Variants in SPDEF observed in about 807,000 individuals in gnomAD.
SPDEF encodes SAM pointed domain containing ETS transcription factor.
A neutral mutation model predicts 36.0 loss-of-function variants in SPDEF; 12 were observed. That is an observed-to-expected ratio of 0.33 (90% CI 0.21 to 0.54). The LOEUF is 0.54. SPDEF is among the 20% of genes least tolerant of loss of function. The pLI, the probability that SPDEF is intolerant of heterozygous loss-of-function variation, is 0.93. For missense variants in SPDEF, 388 were observed against 456.9 expected (o/e 0.85, Z 1.37); for synonymous variants, 205 against 193.0 (o/e 1.06, Z -0.51).
chr6:34,552,263 G>A lies in SPDEF; in HGVS notation c.-30+3666C>T, dbSNP rs953945616. Among the ~76,000 whole-genome samples the A allele has an allele frequency of 6.6e-6, 1 of 152,168 alleles. No homozygotes were observed. Among genetic ancestry groups the A allele is most frequent in the Non-Finnish European group, 1.5e-5 (1 of 68,034 alleles). On this transcript the variant is annotated intron_variant, in intron 1 of 5. Transcript: ENST00000374037. This position sits in a 1 kb window ranked among gnomAD's most constrained non-coding sequence, Gnocchi z 4.6. ...CTTGCCACAGGACAGGGGTCGTGAG[G>A]TTTCCTGGGTCTCTTGCTCCCCACA...
chr6:34,554,089 AAG>A (rs1476954724), intron 1 of SPDEF, among the ~76,000 whole-genome samples: 3 of 152,154 alleles, frequency 2.0e-5, no homozygotes, highest in African/African-American at 7.2e-5. Flanking sequence ...CAGTGAGGAA[AAG>A]TGACCCGCCC....
At chr6:34,547,111 G>T (rs764298654) in intron 1 of SPDEF, among the ~76,000 whole-genome samples, 19 of 151,796 alleles carry the variant, frequency 1.3e-4, no homozygotes, top group Non-Finnish European at 2.5e-4. Flanking sequence ...CACCCTGGGC[G>T]CCATGCCAGG....
chr6:34,547,518 A>T (rs1356790490), intron 1 of SPDEF, among the ~76,000 whole-genome samples: 2 of 152,072 alleles, frequency 1.3e-5, no homozygotes, highest in Non-Finnish European at 2.9e-5. Context: ...GGTGTGTGCC[A>T]TCATGCCTGG....
rs1767772011 is a variant in SPDEF at position 34,539,531 on chromosome 6, C to G, written c.666G>C (p.Gly222=). ...AAWMKERTSP[G]AIHYCASTSE... ...CTGGCTCACCACAGTAGTGAATCGC[C>G]CCAGGTGAAGTCCGCTCTTTCATCC... The change falls in exon 4 of 6, where the codon GGG becomes GGC. Residue 222 remains glycine (G), a synonymous_variant. Coordinates refer to ENST00000374037, the MANE Select transcript of SPDEF (RefSeq NM_012391.3). The surrounding 1 kb of genome is among the most constrained non-coding windows in gnomAD (Gnocchi z 5.2). The G allele has an allele frequency of 6.3e-7, 1 of 1,575,248 alleles. No individual in the cohort carries two copies. Among genetic ancestry groups the G allele is most frequent in the Non-Finnish European group, 8.6e-7 (1 of 1,161,190 alleles).
chr6:34,543,525 T>A (rs1767873505), intron 2 of SPDEF, among the ~76,000 whole-genome samples: 1 of 152,230 alleles, frequency 6.6e-6, no homozygotes, highest in African/African-American at 2.4e-5. Flanking sequence ...TTGTTTTCTT[T>A]ACCATGTCCT....
chr6:34,540,899 C>T (rs536900485), intron 3 of SPDEF, 85 bp downstream of exon 3: 129 of 1,333,170 alleles, frequency 9.7e-5, no homozygotes, highest in Admixed American at 1.6e-4. Flanking sequence ...GGGCTGCTGC[C>T]CTAGCAGAGG....
intron 1 of SPDEF, among the ~76,000 whole-genome samples, chr6:34,548,189 T>C (rs1035113768): frequency 3.3e-5 from 5 of 152,204 alleles, no homozygotes; most frequent in Non-Finnish European, 7.3e-5. Flanking sequence ...AGCCCTGCTT[T>C]ATAGATGCGG....
rs1767750183 is a variant in SPDEF at position 34,538,838 on chromosome 6, C to T, written c.830-386G>A. Among the ~76,000 whole-genome samples, 1 of 152,190 alleles carries T rather than the reference C, an allele frequency of 6.6e-6. No homozygotes were observed. ...AAGTCCTGTGTGGCTCCCAGCAGTG[C>T]CCACGGCTCACTTGGCAAGAGCATC... On this transcript the variant is annotated intron_variant, in intron 5 of 5. Coordinates refer to ENST00000374037, the MANE Select transcript of SPDEF (RefSeq NM_012391.3). The surrounding 1 kb of genome is among the most constrained non-coding windows in gnomAD (Gnocchi z 5.9).
At chr6:34,546,992 ACCCCCCCCCGCAG>A (rs929737140) in intron 1 of SPDEF, among the ~76,000 whole-genome samples, 9 of 100,982 alleles carry the variant, frequency 8.9e-5, no homozygotes, top group Admixed American at 2.0e-4. Context: ...ACCCCTGGGG[ACCCCCCCCCGCAG>A]CCCCCCACCC....
rs1767779219 is a variant in SPDEF at position 34,539,753 on chromosome 6, G to A, written c.635-191C>T. ...AAGCTGCTTCCTGGAAGAAAATTCA[G>A]GATTTCAGAGCTGGGAGGGGCCGTA... On this transcript the variant is annotated intron_variant, in intron 3 of 5. Coordinates refer to ENST00000374037, the MANE Select transcript of SPDEF (RefSeq NM_012391.3). The surrounding 1 kb of genome is among the most constrained non-coding windows in gnomAD (Gnocchi z 5.2). Among the ~76,000 whole-genome samples, 1 of 152,232 alleles carries A rather than the reference G, an allele frequency of 6.6e-6. No homozygotes were observed.
Position 34,544,616 on chromosome 6 carries a change from A to T in SPDEF, c.-29-132T>A. ...GGACAGAGTTGGGGGCTTCCGGGTC[A>T]TTGGGCAGCCACGACATGGTTGGGC... On this transcript the variant is annotated intron_variant, in intron 1 of 5. Coordinates refer to ENST00000374037, the MANE Select transcript of SPDEF (RefSeq NM_012391.3). This position sits in a 1 kb window ranked among gnomAD's most constrained non-coding sequence, Gnocchi z 4.4. 1 of 672,232 alleles carries T rather than the reference A, an allele frequency of 1.5e-6. No individual in the cohort carries two copies. The highest frequency in any genetic ancestry group is 2.3e-6 in the Non-Finnish European group (1 of 430,148). The allele number at this position is 672,232 out of a possible 1,614,324, so 41.6% of individuals were successfully genotyped here.
In SPDEF at chr6:34,537,894, T is replaced by TAGATCTC; in HGVS notation, c.*379_*380insGAGATCT. 5.0e-6 allele frequency: 1 copy of TAGATCTC among 198,394 alleles called. No individual in the cohort carries two copies. The highest frequency in any genetic ancestry group is 1.0e-5 in the Non-Finnish European group (1 of 96,004). The allele number at this position is 198,394 out of a possible 1,614,324, so 12.3% of individuals were successfully genotyped here. On this transcript the variant is annotated 3_prime_UTR_variant, in exon 6 of 6. Transcript: ENST00000374037. ...ATGTCTCCCTGCACCATGCCAGGTGTGGTGCAGAATGGGAGGCAGGGGGAT... is the reference window on the plus strand; with the variant it reads ...ATGTCTCCCTGCACCATGCCAGGTGTAGATCTCGGTGCAGAATGGGAGGCAGGGGGAT...
intron 2 of SPDEF, among the ~76,000 whole-genome samples, chr6:34,542,240 A>G (rs1767838458): frequency 6.6e-6 from 1 of 152,208 alleles, no homozygotes; most frequent in African/African-American, 2.4e-5. Flanking sequence ...TCCCAGGGAA[A>G]GCTGCACAGA....
chr6:34,544,213 G>A lies in SPDEF; in HGVS notation c.243C>T (p.Ser81=). ...GCTCCTCAGGTGGCTCCTCCCGACT[G>A]CTGGCCCCAGGGGCCTTGGCTGCCC... ...SSWAAKAPGA[S]SREEPPEEPE... is the part of the protein sequence containing the mutation. The change falls in exon 2 of 6, where the codon AGC becomes AGT. Residue 81 remains serine (S), a synonymous_variant. Transcript: ENST00000374037. The surrounding 1 kb of genome is among the most constrained non-coding windows in gnomAD (Gnocchi z 4.4). 1 of 1,613,846 alleles carries A rather than the reference G, an allele frequency of 6.2e-7. No homozygotes were observed. Among genetic ancestry groups the A allele is most frequent in the Non-Finnish European group, 8.5e-7 (1 of 1,179,960 alleles).
rs1033772503 is a variant in SPDEF, at chr6:34,556,179, C to G, written c.-280G>C. ...TGTAGGGAGTCCCCTACCCCCAGCC[C>G]AGGGCTGCCTGCTGGCACCGTGGCA... On this transcript the variant is annotated 5_prime_UTR_variant, in exon 1 of 6. Transcript: ENST00000374037. 1.3e-5 allele frequency: 2 copies of G among 152,190 alleles called. No individual in the cohort carries two copies. Among genetic ancestry groups the G allele is most frequent in the Non-Finnish European group, 2.9e-5 (2 of 68,062 alleles). The allele number at this position is 152,190 out of a possible 1,614,324, so 9.4% of individuals were successfully genotyped here.
intron 1 of SPDEF, among the ~76,000 whole-genome samples, chr6:34,549,950 C>A (rs1261856873): frequency 6.6e-6 from 1 of 152,216 alleles, no homozygotes; most frequent in East Asian, 1.9e-4. Context: ...CCCTGGGTCC[C>A]CTTAAATGGG....
At chr6:34,551,115 G>A (rs537564267) in intron 1 of SPDEF, among the ~76,000 whole-genome samples, 122 of 152,302 alleles carry the variant, frequency 8.0e-4, no homozygotes, top group African/African-American at 2.7e-3. Context: ...GCAGGGACTC[G>A]AACTCAAGAC....
At chr6:34,542,930 A>G (rs542669750) in intron 2 of SPDEF, among the ~76,000 whole-genome samples, 13 of 150,214 alleles carry the variant, frequency 8.7e-5, no homozygotes, top group African/African-American at 3.2e-4. Context: ...GCGGTGGCTC[A>G]CGCTAGTAAT....
In SPDEF at chr6:34,555,891, C is replaced by T. The variant is rs111892902; in HGVS notation, c.-30+38G>A. ...CCACCCCCCAGCTGGCAGGGAAAGACCCCATGCCAGGGTACCCCCACCTCC... is the reference window on the plus strand; with the variant it reads ...CCACCCCCCAGCTGGCAGGGAAAGATCCCATGCCAGGGTACCCCCACCTCC... On this transcript the variant is annotated intron_variant, in intron 1 of 5. Transcript: ENST00000374037. This position sits in a 1 kb window ranked among gnomAD's most constrained non-coding sequence, Gnocchi z 5.2. 30 of 152,716 alleles carry T rather than the reference C, an allele frequency of 2.0e-4. No homozygotes were observed. The highest frequency in any genetic ancestry group is 7.2e-4 in the African/African-American group (30 of 41,424). The allele number at this position is 152,716 out of a possible 1,614,324, so 9.5% of individuals were successfully genotyped here.
Sources: gnomAD v4.1 joint callset for allele counts (sites outside exome capture counted in the v4.1 genomes callset) on GRCh38, gnomAD v4.1.1 for gene constraint, Gnocchi (gnomAD v3.1) non-coding constraint, MANE v1.5 for transcripts, NCBI Gene and HGNC (gene_info 2026-07-23, HGNC 2026-07-21) for gene names.